Variants in CD99 observed in about 807,000 individuals in gnomAD.
CD99 encodes CD99 antigen.
Under a neutral mutation model 28.4 loss-of-function variants are expected in CD99, and 19 were observed. The ratio of observed to expected loss-of-function variants is 0.67; its 90% CI spans 0.47 to 0.98. CD99 has a LOEUF of 0.98. CD99 is among the 50% of genes least tolerant of loss of function. The probability of loss-of-function intolerance (pLI) is 0.00; values close to 1 mark genes in which losing one functional copy is unlikely to be tolerated. For synonymous variants in CD99, 103 were observed against 92.1 expected (o/e 1.12, Z -0.67); for missense variants, 283 against 248.8 (o/e 1.14, Z -0.92).
intron 8 of CD99, among the ~76,000 whole-genome samples, chrX:2,731,438 A>G (rs1368357091): frequency 6.6e-6 from 1 of 152,146 alleles, no homozygotes; most frequent in African/African-American, 2.4e-5. Context: ...AAAAATACAA[A>G]AATTAGCCAG....
At chrX:2,694,226 A>T (rs942779765) in intron 1 of CD99, among the ~76,000 whole-genome samples, 1 of 151,334 alleles carries the variant, frequency 6.6e-6, no homozygotes, top group Non-Finnish European at 1.5e-5. Flanking sequence ...CTTGAACAAT[A>T]CCAGGCCTCT....
At position 2,725,281 on chromosome X, in the gene CD99, C is replaced by G. The variant is rs748699255; in HGVS notation, c.362-979C>G. On this transcript the variant is annotated intron_variant, in intron 7 of 9. Transcript: ENST00000381192. ...GGCATGGTGGTGCACACCTGTAGTC[C>G]CAGCTACTCGGAAGGCTGAAGTGGG... is the stretch of plus-strand genomic sequence containing the variant. 3.9e-5 allele frequency among the ~76,000 whole-genome samples: 6 copies of G among 152,026 alleles called. No homozygotes were observed. In the South Asian group the frequency reaches 1.2e-3, roughly 32 times the overall value.
At chrX:2,717,041 AT>A (rs1308266121) in intron 2 of CD99, among the ~76,000 whole-genome samples, 1 of 152,118 alleles carries the variant, frequency 6.6e-6, no homozygotes, top group African/African-American at 2.4e-5. Context: ...TCATAGTCCC[AT>A]TCAACGTCAA....
intron 8 of CD99, among the ~76,000 whole-genome samples, chrX:2,736,065 G>A (rs1275788757): frequency 6.6e-6 from 1 of 151,986 alleles, no homozygotes; most frequent in African/African-American, 2.4e-5. Flanking sequence ...AGCTGGGCAT[G>A]GTGGCGGGCG....
chrX:2,726,227 C>T (rs1189182701), intron 7 of CD99, 33 bp from the exon 8 acceptor site: 2 of 1,339,186 alleles, frequency 1.5e-6, no homozygotes, highest in Non-Finnish European at 2.1e-6. Context: ...CCGTGCGTGT[C>T]TCAATCACGA....
chrX:2,720,415 AG>A lies in CD99; in HGVS notation c.254del (p.Ser85IlefsTer42), dbSNP rs2048936662. ...GCCAAATCCAAACCCCAACCACCCT[AG>A]TTCCTCCGGTAAGAGTCTCTGACCC... Reference protein sequence around the residue: ...PMPNPNPNHPSSSGSFSDADL... With the variant: ...PMPNPNPNHPXSSGSFSDADL... On this transcript the variant is annotated frameshift_variant, in exon 5 of 10. Coordinates refer to ENST00000381192, the MANE Select transcript of CD99 (RefSeq NM_002414.5). LOFTEE classifies it high-confidence loss of function. The A allele has an allele frequency of 6.2e-7, 1 of 1,613,584 alleles. No individual in the cohort carries two copies. The highest frequency in any genetic ancestry group is 8.5e-7 in the Non-Finnish European group (1 of 1,179,730).
At chrX:2,714,607 T>G (rs1276317649) in intron 2 of CD99, 153 bp downstream of exon 2, 5 of 613,862 alleles carry the variant, frequency 8.1e-6, no homozygotes, top group Admixed American at 7.9e-5. Flanking sequence ...ATAAATGTTA[T>G]GTTTACTCTC....
intron 9 of CD99, among the ~76,000 whole-genome samples, chrX:2,740,095 AAATAAT>A (rs201441438): frequency 1.8e-3 from 268 of 150,956 alleles, no homozygotes; most frequent in Middle Eastern, 0.014. Flanking sequence ...TCTGTCTCAA[AAATAAT>A]AATAATAATA....
In CD99 at chrX:2,708,881, G is replaced by A. The variant is rs780400960; in HGVS notation, c.68-5541G>A. On this transcript the variant is annotated intron_variant, in intron 1 of 9. Transcript: ENST00000381192. ...CTTGCCTGGGGGTGACACTGGTGGC[G>A]GGAGGGCCTGTGCCCTCCCCTGTAA... Among the ~76,000 whole-genome samples, 5 of 152,266 alleles carry A rather than the reference G, an allele frequency of 3.3e-5. No individual in the cohort carries two copies. The East Asian group carries it at 7.7e-4, about 24-fold the overall frequency.
rs11556077 is a variant in CD99 at position 2,691,390 on chromosome X, G to C, written c.30G>C (p.Leu10=). The change falls in exon 1 of 10, where the codon CTG becomes CTC. Residue 10 remains leucine, a synonymous_variant. Coordinates refer to ENST00000381192, the MANE Select transcript of CD99 (RefSeq NM_002414.5). Reference sequence around the variant, plus strand: ...CCCGCGGGGCTGCGCTGGCGCTGCTGCTCTTCGGCCTGCTGGGTGTTCTGG... The same window carrying C: ...CCCGCGGGGCTGCGCTGGCGCTGCTCCTCTTCGGCCTGCTGGGTGTTCTGG... MARGAALAL[L]LFGLLGVLVA... 1 of 1,582,730 alleles carries C rather than the reference G, an allele frequency of 6.3e-7. No homozygotes were observed. The highest frequency in any genetic ancestry group is 8.5e-7 in the Non-Finnish European group (1 of 1,173,824).
intron 1 of CD99, among the ~76,000 whole-genome samples, chrX:2,693,976 CTGGT>C (rs1376662573): frequency 6.6e-6 from 1 of 152,182 alleles, no homozygotes; most frequent in African/African-American, 2.4e-5. Flanking sequence ...AAGAATTCAT[CTGGT>C]CCCAAATGCC....
chrX:2,712,557 C>T (rs1299634992), intron 1 of CD99, among the ~76,000 whole-genome samples: 3 of 152,110 alleles, frequency 2.0e-5, no homozygotes, highest in African/African-American at 7.2e-5. Flanking sequence ...TCCTCCCTTG[C>T]TACCGTCTAA....
At chrX:2,694,245 C>T (rs1168445935) in intron 1 of CD99, among the ~76,000 whole-genome samples, 1 of 151,950 alleles carries the variant, frequency 6.6e-6, no homozygotes, top group Non-Finnish European at 1.5e-5. Context: ...CTTCAGGATT[C>T]CCTCGCCCCA....
At position 2,723,584 on chromosome X, in the gene CD99, T is replaced by A. The variant is rs772982377; in HGVS notation, c.361+220T>A. ...GTGCCCACGTGACGCGGATTTTATG[T>A]TTGGTCACCTGCCCACGATGCCCTG... is the stretch of plus-strand genomic sequence containing the variant. On this transcript the variant is annotated intron_variant, in intron 7 of 9. Coordinates refer to ENST00000381192, the MANE Select transcript of CD99 (RefSeq NM_002414.5). 3 of 628,152 alleles carry A rather than the reference T, an allele frequency of 4.8e-6. 1 individual carries two copies. Among genetic ancestry groups the A allele is most frequent in the African/African-American group, 3.7e-5 (2 of 54,416 alleles). The allele number at this position is 628,152 out of a possible 1,614,324, so 38.9% of individuals were successfully genotyped here.
chrX:2,726,170 A>T (rs778423173), intron 7 of CD99, 90 bp from the exon 8 acceptor site: 1 of 758,584 alleles, frequency 1.3e-6, no homozygotes. Context: ...TGGTGCTCTC[A>T]GACTGACTGT....
chrX:2,730,282 C>G (rs1171127137), intron 8 of CD99, among the ~76,000 whole-genome samples: 3 of 151,904 alleles, frequency 2.0e-5, no homozygotes, highest in East Asian at 2.0e-4. Flanking sequence ...AAGCGACTCT[C>G]CTGCCTCAGC....
intron 1 of CD99, among the ~76,000 whole-genome samples, chrX:2,706,019 C>G (rs2048095475): frequency 6.7e-6 from 1 of 149,502 alleles, no homozygotes; most frequent in African/African-American, 2.5e-5. Flanking sequence ...TTTTTAGGGT[C>G]AGACCATGTG....
At chrX:2,730,650 G>A (rs1023205505) in intron 8 of CD99, among the ~76,000 whole-genome samples, 8 of 152,016 alleles carry the variant, frequency 5.3e-5, no homozygotes, top group African/African-American at 1.9e-4. Context: ...TTGCTTTCTA[G>A]TTATCCTGGG....
rs182725868 is a variant in CD99, at chrX:2,707,984, G to C, written c.68-6438G>C. Among the ~76,000 whole-genome samples, 212 of 152,324 alleles carry C rather than the reference G, an allele frequency of 1.4e-3. 1 individual carries two copies. Among genetic ancestry groups the C allele is most frequent in the Middle Eastern group, 6.8e-3 (2 of 294 alleles). On this transcript the variant is annotated intron_variant, in intron 1 of 9. Transcript: ENST00000381192. ...TAGGCAATAAAGAGAGCAGTGGACT[G>C]AGTTAGGAGACGATAGCTTCATTTA...
Sources: gnomAD v4.1 joint callset for allele counts (sites outside exome capture counted in the v4.1 genomes callset) on GRCh38, gnomAD v4.1.1 for gene constraint, MANE v1.5 for transcripts, NCBI Gene and HGNC (gene_info 2026-07-23, HGNC 2026-07-21) for gene names.